The following GPC5 variants were observed in gnomAD, a reference collection of about 807,000 sequenced individuals.
The protein encoded by GPC5 is glypican 5.
A neutral mutation model predicts 53.9 loss-of-function variants in GPC5; 47 were observed. That is an observed-to-expected ratio of 0.87 (90% CI 0.69 to 1.11). GPC5 has a LOEUF of 1.11. GPC5 is among the 50% of genes most tolerant of loss of function. The pLI, the probability that GPC5 is intolerant of heterozygous loss-of-function variation, is 0.00. For missense variants in GPC5, 748 were observed against 713.1 expected, an observed-to-expected ratio of 1.05 and a Z score of -0.56; for synonymous variants, 286 against 263.3, an observed-to-expected ratio of 1.09 and a Z score of -0.84.
intron 7 of GPC5, among the ~76,000 whole-genome samples, chr13:92,680,479 G>T (rs1887078744): frequency 6.6e-6 from 1 of 152,080 alleles, no homozygotes; most frequent in Admixed American, 6.5e-5. Flanking sequence ...CAGGATTAGA[G>T]AAAGTGAAGC....
At chr13:92,378,007 TTC>T (rs2043708680) in intron 7 of GPC5, among the ~76,000 whole-genome samples, 1 of 152,174 alleles carries the variant, frequency 6.6e-6, no homozygotes, top group African/African-American at 2.4e-5. Flanking sequence ...CTCTCATATA[TTC>T]TCTCTCTTTC....
At chr13:91,495,816 A>G (rs752443836) in intron 2 of GPC5, among the ~76,000 whole-genome samples, 1 of 152,214 alleles carries the variant, frequency 6.6e-6, no homozygotes, top group Non-Finnish European at 1.5e-5. Flanking sequence ...TGAGGTCAAG[A>G]GTTAGAGACC....
intron 2 of GPC5, among the ~76,000 whole-genome samples, chr13:91,584,701 C>T (rs1399098477): frequency 6.6e-6 from 1 of 151,990 alleles, no homozygotes; most frequent in African/African-American, 2.4e-5. Context: ...GTCTCAGCCT[C>T]CCTGCCTCAG....
At chr13:92,517,068 G>A (rs1057091909) in intron 7 of GPC5, among the ~76,000 whole-genome samples, 2 of 152,134 alleles carry the variant, frequency 1.3e-5, no homozygotes, top group Non-Finnish European at 2.9e-5. Flanking sequence ...CACCCACGGA[G>A]CCTCAATCAT....
At chr13:92,818,578 G>C (rs1331499976) in intron 7 of GPC5, among the ~76,000 whole-genome samples, 2 of 151,902 alleles carry the variant, frequency 1.3e-5, no homozygotes, top group Non-Finnish European at 2.9e-5. Context: ...CAAACTGCAG[G>C]TATTGAAAGA....
At chr13:91,927,189 T>C (rs2039777355) in intron 6 of GPC5, among the ~76,000 whole-genome samples, 2 of 152,126 alleles carry the variant, frequency 1.3e-5, no homozygotes, top group Admixed American at 6.5e-5. Flanking sequence ...GAGCTACAAA[T>C]GAGATGGATT....
intron 5 of GPC5, among the ~76,000 whole-genome samples, chr13:91,814,687 C>G (rs1355690020): frequency 6.6e-6 from 1 of 152,002 alleles, no homozygotes. Flanking sequence ...ATTACAGGCA[C>G]CCATCACCAT....
At chr13:91,494,815 TTCTCCTTATC>T (rs1207886039) in intron 2 of GPC5, among the ~76,000 whole-genome samples, 1 of 152,174 alleles carries the variant, frequency 6.6e-6, no homozygotes, top group East Asian at 1.9e-4. Flanking sequence ...TTTTTCTGAT[TTCTCCTTATC>T]TCCTTCAGTG....
chr13:92,238,652 A>G (rs1305023691), intron 7 of GPC5, among the ~76,000 whole-genome samples: 1 of 151,910 alleles, frequency 6.6e-6, no homozygotes, highest in Non-Finnish European at 1.5e-5. Context: ...TCTCTGGGTT[A>G]ACTTACACAA....
At chr13:92,859,979 CTA>C (rs1358975812) in intron 7 of GPC5, among the ~76,000 whole-genome samples, 2 of 151,936 alleles carry the variant, frequency 1.3e-5, no homozygotes, top group African/African-American at 4.8e-5. Context: ...AAAAAAAAGT[CTA>C]GTTATTATTC....
intron 7 of GPC5, among the ~76,000 whole-genome samples, chr13:92,385,374 A>T (rs1313104312): frequency 1.3e-5 from 1 of 79,216 alleles, no homozygotes; most frequent in Non-Finnish European, 2.5e-5. Context: ...ATATATATAC[A>T]TATATACATA....
At chr13:91,971,809 G>C (rs1250680473) in intron 6 of GPC5, among the ~76,000 whole-genome samples, 1 of 152,180 alleles carries the variant, frequency 6.6e-6, no homozygotes, top group African/African-American at 2.4e-5. Context: ...GTTCTAGTTT[G>C]ATTGCACTGT....
At chr13:92,748,230 C>A (rs1191559700) in intron 7 of GPC5, among the ~76,000 whole-genome samples, 2 of 151,342 alleles carry the variant, frequency 1.3e-5, no homozygotes, top group Non-Finnish European at 2.9e-5. Context: ...TGATATACAT[C>A]ATAATAATTA....
At chr13:92,566,097 C>T (rs962028233) in intron 7 of GPC5, among the ~76,000 whole-genome samples, 1 of 151,978 alleles carries the variant, frequency 6.6e-6, no homozygotes, top group African/African-American at 2.4e-5. Context: ...GTCTTCTTGA[C>T]TTTAGAACAT....
intron 2 of GPC5, among the ~76,000 whole-genome samples, chr13:91,655,768 T>C (rs1190737799): frequency 6.6e-6 from 1 of 152,024 alleles, no homozygotes; most frequent in African/African-American, 2.4e-5. Context: ...TCAAAATGCC[T>C]GTCAGCTAAA....
At chr13:92,550,994 A>T (rs944825264) in intron 7 of GPC5, among the ~76,000 whole-genome samples, 1 of 151,930 alleles carries the variant, frequency 6.6e-6, no homozygotes, top group Non-Finnish European at 1.5e-5. Context: ...CTTGGAACAT[A>T]ATCAAATAGA....
rs545980298 is a variant in GPC5 at position 91,900,173 on chromosome 13, A to G, written c.1281-7764A>G. Among the ~76,000 whole-genome samples, 824 of 152,306 alleles carry G rather than the reference A, an allele frequency of 5.4e-3. 8 individuals are homozygous for G. The highest frequency in any genetic ancestry group is 0.019 in the African/African-American group (786 of 41,574). On this transcript the variant is annotated intron_variant, in intron 5 of 7. Transcript: ENST00000377067. ...CATTTGAAAAAAATACAAAAAAGCTATATAAGATTCTAGGATCTTTCAGAA... is the reference window on the plus strand; with the variant it reads ...CATTTGAAAAAAATACAAAAAAGCTGTATAAGATTCTAGGATCTTTCAGAA...
intron 6 of GPC5, among the ~76,000 whole-genome samples, chr13:92,075,058 G>C (rs1926492): frequency 0.52 from 78,858 of 152,026 alleles, 20,822 homozygotes; most frequent in East Asian, 0.79. Context: ...GCATATGCCT[G>C]TTTTGAAATT....
intron 6 of GPC5, among the ~76,000 whole-genome samples, chr13:91,910,806 G>C (rs1190704167): frequency 6.6e-6 from 1 of 152,138 alleles, no homozygotes; most frequent in African/African-American, 2.4e-5. Flanking sequence ...AGGCACTGAG[G>C]TTAAAGTTGT....
Sources: allele counts gnomAD v4.1 joint callset (sites outside exome capture counted in the v4.1 genomes callset), GRCh38; gene constraint gnomAD v4.1.1; transcripts MANE v1.5; gene names NCBI Gene and HGNC (gene_info 2026-07-23, HGNC 2026-07-21).